DLG2: variants seen among roughly 807,000 people sequenced by gnomAD.
DLG2 encodes the protein disks large homolog 2.
In DLG2, 45 loss-of-function variants were observed where a neutral mutation model predicts 132.5. That is an observed-to-expected ratio of 0.34 (90% CI 0.27 to 0.44). The LOEUF (loss-of-function observed/expected upper bound fraction) is 0.44. DLG2 is among the 20% of genes least tolerant of loss of function. DLG2 has a pLI of 1.00. For synonymous variants in DLG2, 424 were observed against 419.6 expected (o/e 1.01, Z -0.13); for missense variants, 1,045 against 1,196.9 (o/e 0.87, Z 1.87).
At chr11:85,132,813 A>G (rs1317672996) in intron 5 of DLG2, 23 of 456,746 alleles carry the variant, frequency 5.0e-5, no homozygotes, top group Admixed American at 4.9e-4. Context: ...ATCCCTACAC[A>G]GGACTCAGTA....
At chr11:84,754,864 T>C (rs932678421) in intron 6 of DLG2, among the ~76,000 whole-genome samples, 1 of 152,210 alleles carries the variant, frequency 6.6e-6, no homozygotes, top group African/African-American at 2.4e-5. Context: ...GTCGTTAGTA[T>C]AGGAAACTAT....
At chr11:84,565,565 T>C (rs1458088421) in intron 6 of DLG2, among the ~76,000 whole-genome samples, 3 of 152,148 alleles carry the variant, frequency 2.0e-5, no homozygotes, top group Non-Finnish European at 2.9e-5. Flanking sequence ...ACCTAGAACA[T>C]AGTATGTGCT....
At chr11:84,480,215 AGTT>A (rs1377729895) in intron 7 of DLG2, among the ~76,000 whole-genome samples, 1 of 152,104 alleles carries the variant, frequency 6.6e-6, no homozygotes, top group Non-Finnish European at 1.5e-5. Flanking sequence ...AAAATCTTTA[AGTT>A]GTTTCCTTTA....
At chr11:84,426,363 G>C (rs890243624) in intron 7 of DLG2, among the ~76,000 whole-genome samples, 4 of 152,130 alleles carry the variant, frequency 2.6e-5, no homozygotes, top group Non-Finnish European at 5.9e-5. Flanking sequence ...AAAGGCATGA[G>C]AAGTTACTGT....
intron 5 of DLG2, among the ~76,000 whole-genome samples, chr11:85,122,913 TAC>T (rs1197972865): frequency 7.5e-6 from 1 of 133,144 alleles, no homozygotes; most frequent in African/African-American, 2.8e-5. Flanking sequence ...CACATATTTA[TAC>T]ACACACATGC....
At chr11:83,615,506 T>A (rs555474231) in intron 19 of DLG2, among the ~76,000 whole-genome samples, 65 of 152,300 alleles carry the variant, frequency 4.3e-4, no homozygotes, top group Non-Finnish European at 7.9e-4. Flanking sequence ...CTGGAATCTG[T>A]AATATGTTCC....
intron 6 of DLG2, among the ~76,000 whole-genome samples, chr11:84,770,481 G>A (rs2069136819): frequency 6.6e-6 from 1 of 151,838 alleles, no homozygotes; most frequent in Non-Finnish European, 1.5e-5. Flanking sequence ...CCTCGAGCAG[G>A]TCCCAGTCTG....
At chr11:85,036,898 A>G (rs1198036121) in intron 6 of DLG2, among the ~76,000 whole-genome samples, 1 of 152,136 alleles carries the variant, frequency 6.6e-6, no homozygotes, top group South Asian at 2.1e-4. Context: ...ACAAGTACTG[A>G]CATAGCTTGA....
chr11:84,800,114 A>G (rs2075188651), intron 6 of DLG2, among the ~76,000 whole-genome samples: 1 of 152,200 alleles, frequency 6.6e-6, no homozygotes, highest in Non-Finnish European at 1.5e-5. Flanking sequence ...GGAGACTAAA[A>G]TTTTAAAAAT....
intron 10 of DLG2, among the ~76,000 whole-genome samples, chr11:84,073,344 G>GA (rs1239676266): frequency 0.012 from 1,607 of 138,464 alleles, 29 homozygotes; most frequent in African/African-American, 0.039. Flanking sequence ...TTAGCATTAA[G>GA]AAAAAAAAAA....
chr11:83,492,321 C>A (rs1230510698), intron 21 of DLG2, among the ~76,000 whole-genome samples: 1 of 152,004 alleles, frequency 6.6e-6, no homozygotes, highest in Non-Finnish European at 1.5e-5. Flanking sequence ...TGTCATCCTA[C>A]CCCATATAGC....
intron 6 of DLG2, among the ~76,000 whole-genome samples, chr11:84,727,381 G>C (rs190926490): frequency 6.6e-6 from 1 of 152,096 alleles, no homozygotes; most frequent in Non-Finnish European, 1.5e-5. Flanking sequence ...TTTGTGTCAG[G>C]TTTGTCAAAG....
intron 3 of DLG2, among the ~76,000 whole-genome samples, chr11:85,353,422 C>T (rs1212142697): frequency 2.0e-5 from 3 of 152,164 alleles, no homozygotes; most frequent in East Asian, 3.9e-4. Context: ...TTGTGGAGGA[C>T]AGTGTGGCAA....
rs114073262 is a variant in DLG2, at chr11:85,134,789, A to G, written c.282+19767T>C. 4.1e-3 allele frequency among the ~76,000 whole-genome samples: 617 copies of G among 152,200 alleles called. 8 individuals carry two copies. The highest frequency in any genetic ancestry group is 0.015 in the African/African-American group (604 of 41,554). ...CGTGTTCTGAGGAAAAAAAGAAGAAAAGACAAGCTCCTAAAGTTCAATTTG... is the reference window on the plus strand; with the variant it reads ...CGTGTTCTGAGGAAAAAAAGAAGAAGAGACAAGCTCCTAAAGTTCAATTTG... On this transcript the variant is annotated intron_variant, in intron 5 of 27. Coordinates refer to ENST00000376104, the MANE Select transcript of DLG2 (RefSeq NM_001142699.3).
At chr11:84,887,670 T>C (rs1230491012) in intron 6 of DLG2, among the ~76,000 whole-genome samples, 2 of 152,102 alleles carry the variant, frequency 1.3e-5, no homozygotes, top group African/African-American at 4.8e-5. Context: ...TAATACTTTA[T>C]CAAGTACCAC....
At chr11:85,549,862 C>T (rs767161175) in intron 3 of DLG2, among the ~76,000 whole-genome samples, 3 of 152,168 alleles carry the variant, frequency 2.0e-5, no homozygotes, top group Non-Finnish European at 4.4e-5. Context: ...GCCATGGCAA[C>T]ATCAGAAAGT....
chr11:84,588,358 A>G (rs761175415), intron 6 of DLG2, among the ~76,000 whole-genome samples: 1 of 152,196 alleles, frequency 6.6e-6, no homozygotes, highest in South Asian at 2.1e-4. Flanking sequence ...CATTTGCACA[A>G]TGAATCATCA....
At chr11:85,127,140 C>G (rs1388303024) in intron 5 of DLG2, among the ~76,000 whole-genome samples, 2 of 152,094 alleles carry the variant, frequency 1.3e-5, no homozygotes, top group Non-Finnish European at 2.9e-5. Flanking sequence ...TGATCTATCT[C>G]TGCATCCTCT....
chr11:84,399,146 G>C (rs1345473690), intron 7 of DLG2, among the ~76,000 whole-genome samples: 3 of 152,124 alleles, frequency 2.0e-5, no homozygotes, highest in East Asian at 3.9e-4. Context: ...TCTTAAGACA[G>C]ATCATCATAC....
Sources: gnomAD v4.1 joint callset for allele counts (sites outside exome capture counted in the v4.1 genomes callset) on GRCh38, gnomAD v4.1.1 for gene constraint, MANE v1.5 for transcripts, NCBI Gene and HGNC (gene_info 2026-07-23, HGNC 2026-07-21) for gene names.